The following DPP10 variants were observed in gnomAD, a reference collection of about 807,000 sequenced individuals.
The protein encoded by DPP10 is dipeptidyl peptidase like 10, also known as inactive dipeptidyl peptidase 10.
In DPP10, 33 loss-of-function variants were observed where a neutral mutation model predicts 120.9. That is an observed-to-expected ratio of 0.27 (90% CI 0.21 to 0.37). The LOEUF (loss-of-function observed/expected upper bound fraction) is 0.37, where lower values mean the gene tolerates loss of function less well. Ranked by LOEUF, DPP10 falls within the 10% of genes least tolerant of loss-of-function variation. The pLI, the probability that DPP10 is intolerant of heterozygous loss-of-function variation, is 1.00. For missense variants in DPP10, 816 were observed against 942.8 expected (o/e 0.87, Z 1.76); for synonymous variants, 337 against 326.1 (o/e 1.03, Z -0.36).
At chr2:115,101,046 T>C (rs1421384711) in intron 1 of DPP10, among the ~76,000 whole-genome samples, 1 of 152,128 alleles carries the variant, frequency 6.6e-6, no homozygotes, top group Non-Finnish European at 1.5e-5. Context: ...TGAACCAAGC[T>C]CAGTCACTTT....
intron 1 of DPP10, among the ~76,000 whole-genome samples, chr2:114,732,509 G>A (rs1429001387): frequency 6.6e-6 from 1 of 152,196 alleles, no homozygotes; most frequent in Non-Finnish European, 1.5e-5. Context: ...TCATGCTAGA[G>A]ACATAAGCTT....
chr2:115,574,390 C>T (rs994330723), intron 5 of DPP10, among the ~76,000 whole-genome samples: 2 of 152,196 alleles, frequency 1.3e-5, no homozygotes, highest in African/African-American at 4.8e-5. Flanking sequence ...TTCTCATCAT[C>T]TTGTAGTAAG....
chr2:115,595,747 C>T (rs370246715), intron 5 of DPP10, among the ~76,000 whole-genome samples: 160 of 151,998 alleles, frequency 1.1e-3, no homozygotes, highest in African/African-American at 3.8e-3. Flanking sequence ...TTTCTATATC[C>T]GTTTAGTTTT....
intron 3 of DPP10, among the ~76,000 whole-genome samples, chr2:115,440,090 A>T (rs1389383049): frequency 6.6e-6 from 1 of 151,944 alleles, no homozygotes; most frequent in Non-Finnish European, 1.5e-5. Context: ...TCTTAGTATG[A>T]TGCCTATGAG....
At chr2:115,786,152 A>C (rs937371441) in intron 17 of DPP10, among the ~76,000 whole-genome samples, 1 of 152,196 alleles carries the variant, frequency 6.6e-6, no homozygotes. Context: ...TTACATGCTT[A>C]TAACAGTCTA....
chr2:115,233,222 T>C (rs1328423480), intron 1 of DPP10, among the ~76,000 whole-genome samples: 1 of 151,930 alleles, frequency 6.6e-6, no homozygotes, highest in African/African-American at 2.4e-5. Context: ...AGTGTGTGTG[T>C]GTGTGTGTGT....
In DPP10 at chr2:114,540,154, A is replaced by G. The variant is rs75527271; in HGVS notation, c.60+97316A>G. On this transcript the variant is annotated intron_variant, in intron 1 of 25. Transcript: ENST00000410059. ...ACCAATGGAGTGATATTTTCCAAAT[A>G]AGGTATCAAATGCAAAGTGACAAAG... Among the ~76,000 whole-genome samples, 1,330 of 152,362 alleles carry G rather than the reference A, an allele frequency of 8.7e-3. 16 individuals carry two copies. Among genetic ancestry groups the G allele is most frequent in the African/African-American group, 0.03 (1,234 of 41,590 alleles).
intron 1 of DPP10, among the ~76,000 whole-genome samples, chr2:114,524,435 C>T (rs1301600318): frequency 6.6e-6 from 1 of 152,196 alleles, no homozygotes; most frequent in Non-Finnish European, 1.5e-5. Context: ...TGAGCCTAAG[C>T]ATTAAGAATG....
intron 21 of DPP10, among the ~76,000 whole-genome samples, chr2:115,826,123 C>T (rs552460510): frequency 4.6e-4 from 70 of 152,224 alleles, no homozygotes; most frequent in Non-Finnish European, 8.4e-4. Context: ...AGGCTGTTAA[C>T]CTCTTACTCC....
intron 3 of DPP10, among the ~76,000 whole-genome samples, chr2:115,480,543 A>G (rs367837457): frequency 3.9e-5 from 6 of 152,102 alleles, no homozygotes; most frequent in African/African-American, 9.7e-5. Flanking sequence ...GTGATTTTCT[A>G]TATCATATCT....
In DPP10 at chr2:115,689,968, T is replaced by A. The variant is rs199752481; in HGVS notation, c.576+47T>A. ...CACTGAACACTGCCAATCATGGTTT[T>A]ATGGAAGATGTTAACTGAAACTTTG... is the stretch of plus-strand genomic sequence containing the variant. On this transcript the variant is annotated intron_variant, in intron 7 of 25. Coordinates refer to ENST00000410059, the MANE Select transcript of DPP10 (RefSeq NM_020868.6). The A allele has an allele frequency of 2.6e-4, 400 of 1,558,074 alleles. 4 individuals carry two copies. Among genetic ancestry groups the A allele is most frequent in the African/African-American group, 2.4e-3 (175 of 72,920 alleles).
At position 115,098,711 on chromosome 2, in the gene DPP10, T is replaced by C. The variant is rs974470080; in HGVS notation, c.61-210528T>C. Among the ~76,000 whole-genome samples the C allele has an allele frequency of 2.6e-5, 4 of 152,096 alleles. No homozygotes were observed. The East Asian group carries it at 5.8e-4, about 22-fold the overall frequency. ...CTGGAATCAGCTCCTCTAGAATCCCTGGAAAAACACAAAAAGGACAGTAAA... is the reference window on the plus strand; with the variant it reads ...CTGGAATCAGCTCCTCTAGAATCCCCGGAAAAACACAAAAAGGACAGTAAA... On this transcript the variant is annotated intron_variant, in intron 1 of 25. Transcript: ENST00000410059.
chr2:114,583,055 T>C (rs1358546857), intron 1 of DPP10, among the ~76,000 whole-genome samples: 1 of 152,232 alleles, frequency 6.6e-6, no homozygotes, highest in African/African-American at 2.4e-5. Flanking sequence ...TTGAGAACAC[T>C]TGCTCTGCTT....
chr2:114,700,911 T>C (rs1156346865), intron 1 of DPP10, among the ~76,000 whole-genome samples: 1 of 152,116 alleles, frequency 6.6e-6, no homozygotes, highest in Non-Finnish European at 1.5e-5. Flanking sequence ...CTGTGCTGGC[T>C]TATGAAGCTG....
At chr2:114,717,313 T>A (rs535147287) in intron 1 of DPP10, among the ~76,000 whole-genome samples, 1 of 152,318 alleles carries the variant, frequency 6.6e-6, no homozygotes, top group Non-Finnish European at 1.5e-5. Context: ...TTGATCTATG[T>A]GTCACAAAAG....
At chr2:114,816,133 A>AGCT (rs1305226082) in intron 1 of DPP10, among the ~76,000 whole-genome samples, 1 of 152,188 alleles carries the variant, frequency 6.6e-6, no homozygotes, top group Non-Finnish European at 1.5e-5. Flanking sequence ...CACTGTCTCC[A>AGCT]GCTGACACTG....
At chr2:115,543,606 TA>T (rs1313381019) in intron 5 of DPP10, among the ~76,000 whole-genome samples, 2 of 151,982 alleles carry the variant, frequency 1.3e-5, no homozygotes, top group Non-Finnish European at 2.9e-5. Flanking sequence ...ACACCGCATA[TA>T]AACTCTTTAA....
intron 1 of DPP10, among the ~76,000 whole-genome samples, chr2:114,915,648 G>A (rs1694749779): frequency 6.6e-6 from 1 of 152,082 alleles, no homozygotes; most frequent in African/African-American, 2.4e-5. Context: ...GACACTATTG[G>A]ATCAGAGTGC....
At chr2:114,965,701 G>C (rs1253798417) in intron 1 of DPP10, among the ~76,000 whole-genome samples, 1 of 151,884 alleles carries the variant, frequency 6.6e-6, no homozygotes, top group Non-Finnish European at 1.5e-5. Context: ...AGAGGAGGCC[G>C]GGCGCGGTGG....
Sources: allele counts gnomAD v4.1 joint callset (sites outside exome capture counted in the v4.1 genomes callset), GRCh38; gene constraint gnomAD v4.1.1; transcripts MANE v1.5; gene names NCBI Gene and HGNC (gene_info 2026-07-23, HGNC 2026-07-21).